Variants in MYO3B observed in about 807,000 individuals in gnomAD.
MYO3B encodes the protein myosin-IIIb.
MYO3B carries 156 observed loss-of-function variants against 174.6 expected under a neutral mutation model. The ratio of observed to expected loss-of-function variants is 0.89; its 90% CI spans 0.78 to 1.02. The LOEUF is 1.02. MYO3B is among the 50% of genes least tolerant of loss of function. The pLI is 0.00. For synonymous variants in MYO3B, 563 were observed against 569.1 expected, an observed-to-expected ratio of 0.99 and a Z score of 0.15; for missense variants, 1,632 against 1,639.4, an observed-to-expected ratio of 1.00 and a Z score of 0.08.
In MYO3B at chr2:170,217,358, A is replaced by G. The variant is rs774737455; in HGVS notation, c.566A>G (p.Asn189Ser). The G allele has an allele frequency of 1.5e-5, 24 of 1,614,016 alleles. No homozygotes were observed. Among genetic ancestry groups the G allele is most frequent in the Non-Finnish European group, 1.9e-5 (23 of 1,179,970 alleles). Residue 189 changes from asparagine to serine, a missense_variant, in exon 6 of 35, where the codon AAC (asparagine) becomes AGC (serine). Transcript: ENST00000408978. The part of the protein sequence containing the change: ...AQLTSTRLRR[N>S]TSVGTPFWMA... ...CTCACCAGTACACGTCTGCGGAGAAACACATCTGTTGGCACCCCGTTCTGG... is the reference window on the plus strand; with the variant it reads ...CTCACCAGTACACGTCTGCGGAGAAGCACATCTGTTGGCACCCCGTTCTGG...
rs970078453 is a variant in MYO3B, at chr2:170,236,232, C to T, written c.749+96C>T. ...AGTTTGCAAGCAATTTCTCTCCAAA[C>T]CTGACAAAGCCTGATTGTGAAATAT... On this transcript the variant is annotated intron_variant, in intron 7 of 34. Coordinates refer to ENST00000408978, the MANE Select transcript of MYO3B (RefSeq NM_138995.5). 2.7e-6 allele frequency: 4 copies of T among 1,490,328 alleles called. No individual in the cohort carries two copies. The African/African-American group carries it at 4.2e-5, about 16-fold the overall frequency. 92.3% of individuals were successfully genotyped at this position (1,490,328 alleles called of 1,614,324 possible).
At chr2:170,416,818 G>GTTGT (rs2094582662) in intron 22 of MYO3B, among the ~76,000 whole-genome samples, 5 of 116,122 alleles carry the variant, frequency 4.3e-5, no homozygotes, top group African/African-American at 1.3e-4. Context: ...TTTTTCTGTT[G>GTTGT]TTTTTTTTTT....
rs182693777 is a variant in MYO3B, at chr2:170,563,688, C to G, written c.3733+19700C>G. 3.7e-3 allele frequency among the ~76,000 whole-genome samples: 559 copies of G among 152,286 alleles called. 3 individuals carry two copies. The highest frequency in any genetic ancestry group is 5.4e-3 in the Non-Finnish European group (370 of 68,012). ...ATATCACCAGAAGTCCAGGGGTAGG[C>G]AATTTCTGGTGTTGGTTCAGAAGAT... is the stretch of plus-strand genomic sequence containing the variant. On this transcript the variant is annotated intron_variant, in intron 32 of 34. Transcript: ENST00000408978.
chr2:170,430,917 G>A, intron 22 of MYO3B, among the ~76,000 whole-genome samples: 1 of 152,200 alleles, frequency 6.6e-6, no homozygotes, highest in East Asian at 1.9e-4. Flanking sequence ...AAGCCATGTT[G>A]CACCTTCAGA....
intron 6 of MYO3B, among the ~76,000 whole-genome samples, chr2:170,223,148 T>C (rs1372695524): frequency 6.6e-6 from 1 of 152,114 alleles, no homozygotes; most frequent in African/African-American, 2.4e-5. Flanking sequence ...TATTATTATC[T>C]CCTGAGATGT....
chr2:170,376,951 A>G (rs2094297982), intron 9 of MYO3B, among the ~76,000 whole-genome samples: 1 of 152,216 alleles, frequency 6.6e-6, no homozygotes, highest in African/African-American at 2.4e-5. Context: ...CTTGTTCTTC[A>G]TCATAGTTGG....
intron 25 of MYO3B, among the ~76,000 whole-genome samples, chr2:170,487,948 A>G (rs186640204): frequency 6.1e-4 from 93 of 152,352 alleles, no homozygotes; most frequent in South Asian, 2.3e-3. Context: ...CCAAGGGGAA[A>G]AAAATAGAGA....
chr2:170,443,025 GGATA>G (rs2094813576), intron 22 of MYO3B, among the ~76,000 whole-genome samples: 1 of 152,206 alleles, frequency 6.6e-6, no homozygotes, highest in African/African-American at 2.4e-5. Context: ...CCCAGTAATG[GGATA>G]GCTGGGTCAA....
rs1043662101 is a variant in MYO3B at position 170,419,277 on chromosome 2, G to T, written c.2650+11433G>T. Among the ~76,000 whole-genome samples, 5 of 152,316 alleles carry T rather than the reference G, an allele frequency of 3.3e-5. No individual in the cohort carries two copies. In the East Asian group the frequency reaches 9.6e-4, roughly 29 times the overall value. ...GAAACTCTTTATTTTATCTAGGGCT[G>T]CCAGAACAAATTAACACAGACTGAG... On this transcript the variant is annotated intron_variant, in intron 22 of 34. Transcript: ENST00000408978.
intron 7 of MYO3B, among the ~76,000 whole-genome samples, chr2:170,271,891 G>A (rs2093427392): frequency 6.6e-6 from 1 of 152,030 alleles, no homozygotes; most frequent in Non-Finnish European, 1.5e-5. Flanking sequence ...AGAATTTGAG[G>A]TGGGGACTAG....
At chr2:170,299,499 A>G (rs574679113) in intron 7 of MYO3B, among the ~76,000 whole-genome samples, 1 of 152,292 alleles carries the variant, frequency 6.6e-6, no homozygotes, top group South Asian at 2.1e-4. Flanking sequence ...GCCAATATTT[A>G]TTGAATACTT....
intron 30 of MYO3B, among the ~76,000 whole-genome samples, chr2:170,525,633 A>G (rs932923257): frequency 6.6e-6 from 1 of 152,144 alleles, no homozygotes; most frequent in Non-Finnish European, 1.5e-5. Flanking sequence ...GAGTGATGGG[A>G]ACCTCCGTGA....
At chr2:170,288,291 T>C (rs1291403717) in intron 7 of MYO3B, among the ~76,000 whole-genome samples, 1 of 152,054 alleles carries the variant, frequency 6.6e-6, no homozygotes, top group African/African-American at 2.4e-5. Flanking sequence ...AGGGACTTCA[T>C]TGAATCTGTA....
intron 34 of MYO3B, among the ~76,000 whole-genome samples, 158 bp downstream of exon 34, chr2:170,652,312 G>A (rs1382920128): frequency 6.6e-6 from 1 of 152,186 alleles, no homozygotes; most frequent in Non-Finnish European, 1.5e-5. Context: ...ACAGTAGCAA[G>A]TATACAAAAC....
intron 21 of MYO3B, among the ~76,000 whole-genome samples, chr2:170,406,909 G>GT (rs1235240482): frequency 7.2e-5 from 11 of 152,044 alleles, no homozygotes; most frequent in Non-Finnish European, 1.5e-4. Context: ...ATCTCATGAG[G>GT]ACCTAGGGAG....
At chr2:170,506,574 C>A (rs1352646236) in intron 28 of MYO3B, among the ~76,000 whole-genome samples, 1 of 152,202 alleles carries the variant, frequency 6.6e-6, no homozygotes, top group Non-Finnish European at 1.5e-5. Context: ...TTCAAATTAT[C>A]CAACTCCAAT....
intron 32 of MYO3B, among the ~76,000 whole-genome samples, chr2:170,644,164 ACT>A (rs1698194677): frequency 6.6e-6 from 1 of 152,174 alleles, no homozygotes; most frequent in Non-Finnish European, 1.5e-5. Context: ...AATGCAGTAC[ACT>A]CAGCTAGATT....
At position 170,654,013 on chromosome 2, in the gene MYO3B, CTAG is replaced by C. The variant is rs1266625610; in HGVS notation, c.*894_*896del. On this transcript the variant is annotated 3_prime_UTR_variant, in exon 35 of 35. Transcript: ENST00000408978. Reference sequence around the variant, plus strand: ...GCACAGGGCTTGGTAGAGGGTATATCTAGTGAATGGAGAATACATGGAGAAACT... The same window carrying C: ...GCACAGGGCTTGGTAGAGGGTATATCTGAATGGAGAATACATGGAGAAACT... 1 of 152,148 alleles carries C rather than the reference CTAG, an allele frequency of 6.6e-6. No individual in the cohort carries two copies. The highest frequency in any genetic ancestry group is 2.4e-5 in the African/African-American group (1 of 41,442). The allele number at this position is 152,148 out of a possible 1,614,324, so 9.4% of individuals were successfully genotyped here.
chr2:170,214,473 G>A lies in MYO3B; in HGVS notation c.416G>A (p.Gly139Glu), dbSNP rs1167739807. The A allele has an allele frequency of 2.5e-6, 4 of 1,613,906 alleles. No individual in the cohort carries two copies. The highest frequency in any genetic ancestry group is 1.6e-4 in the Middle Eastern group (1 of 6,084). ...GCAATGATCTCATACATCTTGTACG[G>A]GGCCCTCTTGGTAAGAACATCTATC... Reference protein sequence around the residue: ...DEAMISYILYGALLGLQHLHN... With the variant: ...DEAMISYILYEALLGLQHLHN... Residue 139 changes from glycine (G) to glutamate (E), a missense_variant, in exon 4 of 35, where the codon GGG (glycine) becomes GAG (glutamate). By Grantham distance (98) the Gly-to-Glu change is moderately conservative. Coordinates refer to ENST00000408978, the MANE Select transcript of MYO3B (RefSeq NM_138995.5).
Sources: allele counts gnomAD v4.1 joint callset (sites outside exome capture counted in the v4.1 genomes callset), GRCh38; gene constraint gnomAD v4.1.1; transcripts MANE v1.5; gene names NCBI Gene and HGNC (gene_info 2026-07-23, HGNC 2026-07-21).